SHANK2: variants seen among roughly 807,000 people sequenced by gnomAD.
SHANK2 encodes SH3 and multiple ankyrin repeat domains protein 2.
SHANK2 carries 43 observed loss-of-function variants against 133.7 expected under a neutral mutation model. The observed-to-expected ratio is 0.32, with a 90% CI of 0.25 to 0.41. The LOEUF (loss-of-function observed/expected upper bound fraction) is 0.41. Among genes scored for constraint, SHANK2 ranks in the 10% least tolerant of loss-of-function variants. SHANK2 has a pLI of 1.00. For missense variants in SHANK2, 1,994 were observed against 2,235.8 expected (o/e 0.89, Z 2.18); for synonymous variants, 1,017 against 952.8 (o/e 1.07, Z -1.24).
intron 10 of SHANK2, among the ~76,000 whole-genome samples, chr11:70,912,706 C>T (rs888202041): frequency 6.6e-6 from 1 of 152,218 alleles, no homozygotes; most frequent in South Asian, 2.1e-4. Context: ...AGAAACGTCA[C>T]ACTCAGAAGA....
chr11:71,229,396 T>C (rs1954698704), intron 1 of SHANK2, among the ~76,000 whole-genome samples: 2 of 152,170 alleles, frequency 1.3e-5, no homozygotes, highest in Non-Finnish European at 2.9e-5. Flanking sequence ...GATCAACATA[T>C]TAAAATCAAT....
At chr11:70,630,748 C>G (rs1370834860) in intron 17 of SHANK2, among the ~76,000 whole-genome samples, 2 of 152,188 alleles carry the variant, frequency 1.3e-5, no homozygotes, top group Non-Finnish European at 2.9e-5. Context: ...TCCCCTAGAG[C>G]ACTGGAGGGA....
At position 70,743,834 on chromosome 11, in the gene SHANK2, G is replaced by C. The variant is rs1946583280; in HGVS notation, c.1778-45071C>G. On this transcript the variant is annotated intron_variant, in intron 14 of 25. Transcript: ENST00000601538. ...GCTCCAAAACGTCTTTCTTTCTCAG[G>C]TCTCCTTCCCTCCTTTCCTACCCGG... Among the ~76,000 whole-genome samples the C allele has an allele frequency of 2.6e-5, 4 of 152,104 alleles. No homozygotes were observed. In the South Asian group the frequency reaches 8.3e-4, roughly 32 times the overall value.
intron 1 of SHANK2, among the ~76,000 whole-genome samples, chr11:71,244,250 A>T (rs563925457): frequency 3.5e-4 from 54 of 152,214 alleles, no homozygotes; most frequent in African/African-American, 1.3e-3. Flanking sequence ...ACCATCCTAG[A>T]CCCCACAATC....
Position 71,167,993 on chromosome 11 carries a change from T to C in SHANK2, c.-12-20655A>G, listed in dbSNP as rs797023721. On this transcript the variant is annotated intron_variant, in intron 2 of 25. Coordinates refer to ENST00000601538, the MANE Select transcript of SHANK2 (RefSeq NM_012309.5). ...GAAGCTCCTCACTTCCCAGACGGGG[T>C]GGCTGCTGGGCGGAGGGGCTCCTCA... Among the ~76,000 whole-genome samples the C allele has an allele frequency of 2.9e-3, 148 of 51,034 alleles. 3 individuals carry two copies. Among genetic ancestry groups the C allele is most frequent in the Non-Finnish European group, 4.6e-3 (117 of 25,346 alleles). The allele number at this position is 51,034 out of a possible 152,430, so 33.5% of individuals were successfully genotyped here. A position where few individuals can be genotyped will look rare whatever the true frequency, so the allele number is the denominator to read the frequency against.
intron 10 of SHANK2, among the ~76,000 whole-genome samples, chr11:70,952,359 T>C (rs139085683): frequency 1.6e-3 from 243 of 152,324 alleles, no homozygotes; most frequent in Non-Finnish European, 2.9e-3. Context: ...ATAGAAATGG[T>C]GTTGGACACA....
At chr11:70,614,983 T>C (rs2060718653) in intron 17 of SHANK2, among the ~76,000 whole-genome samples, 1 of 152,162 alleles carries the variant, frequency 6.6e-6, no homozygotes, top group African/African-American at 2.4e-5. Context: ...ATGGGTTAAC[T>C]GGAAAGGCAA....
chr11:70,710,867 G>T (rs1026989632), intron 14 of SHANK2, among the ~76,000 whole-genome samples: 148 of 152,342 alleles, frequency 9.7e-4, no homozygotes, highest in South Asian at 1.2e-3. Flanking sequence ...GGTGTGAGCA[G>T]ACACGCCTGT....
At chr11:70,690,083 C>T (rs529799462) in intron 15 of SHANK2, among the ~76,000 whole-genome samples, 14 of 152,186 alleles carry the variant, frequency 9.2e-5, no homozygotes, top group Admixed American at 5.2e-4. Context: ...AAGCAACTCA[C>T]GTATCCACTA....
At chr11:70,754,334 TC>T (rs1657268762) in intron 14 of SHANK2, among the ~76,000 whole-genome samples, 1 of 152,110 alleles carries the variant, frequency 6.6e-6, no homozygotes, top group Non-Finnish European at 1.5e-5. Context: ...CCAACATCCC[TC>T]AGGAACATAG....
chr11:70,613,712 G>C lies in SHANK2; in HGVS notation c.2061+46116C>G, dbSNP rs150543852. Among the ~76,000 whole-genome samples the C allele has an allele frequency of 3.3e-3, 501 of 151,876 alleles. 4 individuals carry two copies. Among genetic ancestry groups the C allele is most frequent in the African/African-American group, 0.012 (481 of 41,410 alleles). On this transcript the variant is annotated intron_variant, in intron 17 of 25. Transcript: ENST00000601538. ...ATTAATGTGAGGTCATAGGGGAGTA[G>C]GGTGGGCCCTACATCCAATGACTGC... is the stretch of plus-strand genomic sequence containing the variant.
rs79828629 is a variant in SHANK2 at position 70,869,729 on chromosome 11, C to G, written c.1174+26772G>C. On this transcript the variant is annotated intron_variant, in intron 11 of 25. Transcript: ENST00000601538. ...TGTCATCTTGGCATGTCCCCATCAT[C>G]TCCTTGATTGTCCTCCCCCAGACAG... Among the ~76,000 whole-genome samples the G allele has an allele frequency of 9.2e-5, 14 of 152,294 alleles. No individual in the cohort carries two copies. In the East Asian group the frequency reaches 2.7e-3, roughly 30 times the overall value.
At chr11:71,155,551 T>G (rs1952892380) in intron 2 of SHANK2, among the ~76,000 whole-genome samples, 2 of 151,774 alleles carry the variant, frequency 1.3e-5, no homozygotes, top group African/African-American at 4.8e-5. Context: ...CAGCCCCCAG[T>G]AACTGAAGCA....
chr11:71,185,981 A>C (rs1310942008), intron 2 of SHANK2, among the ~76,000 whole-genome samples: 4 of 152,154 alleles, frequency 2.6e-5, no homozygotes, highest in Admixed American at 2.6e-4. Context: ...TGGTACGGTG[A>C]CACCCCCAAA....
intron 15 of SHANK2, among the ~76,000 whole-genome samples, chr11:70,679,980 G>A (rs1005773974): frequency 5.3e-5 from 8 of 152,168 alleles, no homozygotes; most frequent in Admixed American, 2.0e-4. Flanking sequence ...GGGGTCCCAC[G>A]GAGGCCGACG....
intron 10 of SHANK2, among the ~76,000 whole-genome samples, chr11:70,920,546 A>C (rs781887714): frequency 1.3e-5 from 2 of 152,276 alleles, no homozygotes; most frequent in Non-Finnish European, 2.9e-5. Flanking sequence ...AAATTTAAAA[A>C]GCAAGTCATT....
At chr11:70,870,666 G>A (rs1470838414) in intron 11 of SHANK2, among the ~76,000 whole-genome samples, 1 of 152,190 alleles carries the variant, frequency 6.6e-6, no homozygotes, top group Non-Finnish European at 1.5e-5. Context: ...GTGGCCTGTA[G>A]GCAATCTTTG....
At chr11:71,109,397 G>C (rs1194595146) in intron 6 of SHANK2, among the ~76,000 whole-genome samples, 2 of 152,170 alleles carry the variant, frequency 1.3e-5, no homozygotes, top group African/African-American at 4.8e-5. Flanking sequence ...ACTGAACCCT[G>C]TGATACATAG....
rs139806999 is a variant in SHANK2 at position 70,599,816 on chromosome 11, AGAAG to A, written c.2061+60008_2061+60011del. Among the ~76,000 whole-genome samples the A allele has an allele frequency of 2.1e-3, 288 of 136,638 alleles. 4 individuals carry two copies. The highest frequency in any genetic ancestry group is 6.3e-3 in the East Asian group (32 of 5,040). The allele number at this position is 136,638 out of a possible 152,430, so 89.6% of individuals were successfully genotyped here. A position where few individuals can be genotyped will look rare whatever the true frequency, so the allele number is the denominator to read the frequency against. On this transcript the variant is annotated intron_variant, in intron 17 of 25. Transcript: ENST00000601538. ...GAAGAAAAGAAAAGAAAGAAGAGGG[AGAAG>A]GAAGGAAGGAAGGAAGGAAGGAGAG...
Sources: allele counts gnomAD v4.1 joint callset (sites outside exome capture counted in the v4.1 genomes callset), GRCh38; gene constraint gnomAD v4.1.1; transcripts MANE v1.5; gene names NCBI Gene and HGNC (gene_info 2026-07-23, HGNC 2026-07-21).